Variants in SLC71A1 observed in about 807,000 individuals in gnomAD.
SLC71A1 encodes solute carrier family 71 member 1, also known as hippocampus abundant gene transcript 1.
At chr1:100,075,390 CA>C in the SLC71A1 span, among the ~76,000 whole-genome samples, 1 of 152,142 alleles carries the variant, frequency 6.6e-6, no homozygotes, top group Non-Finnish European at 1.5e-5. Context: ...TTCCTAGAGC[CA>C]TATAAAGAAT....
chr1:100,079,975 A>C, the SLC71A1 span: 8 of 152,780 alleles, frequency 5.2e-5, no homozygotes, highest in African/African-American at 1.2e-4. Flanking sequence ...GTTGAGTTCA[A>C]CACCACCCTA....
chr1:100,065,517 C>G, the SLC71A1 span, among the ~76,000 whole-genome samples: 7 of 137,312 alleles, frequency 5.1e-5, no homozygotes, highest in African/African-American at 1.9e-4. Flanking sequence ...CCACTTTTCA[C>G]TTTCACTTTC....
chr1:100,080,475 TA>T, the SLC71A1 span: 18 of 1,599,444 alleles, frequency 1.1e-5, no homozygotes, highest in Non-Finnish European at 1.5e-5. Flanking sequence ...TACTAAGTGA[TA>T]ATTTGTTTAA....
chr1:100,073,411 TTGAG>T, the SLC71A1 span, among the ~76,000 whole-genome samples: 1 of 152,206 alleles, frequency 6.6e-6, no homozygotes. Context: ...CTCCACATGG[TTGAG>T]TATGTTCTGT....
At chr1:100,043,065 T>G in the SLC71A1 span, 3 of 984,952 alleles carry the variant, frequency 3.0e-6, no homozygotes, top group Non-Finnish European at 3.6e-6. Flanking sequence ...ATGCAGTTTT[T>G]TTTTCAGATG....
At chr1:100,065,135 A>G in the SLC71A1 span, among the ~76,000 whole-genome samples, 3 of 152,090 alleles carry the variant, frequency 2.0e-5, no homozygotes, top group African/African-American at 4.8e-5. Context: ...CAGCCTCCCA[A>G]AGTGCTGGAA....
chr1:100,082,074 G>A, the SLC71A1 span: 7 of 1,613,752 alleles, frequency 4.3e-6, no homozygotes, highest in Non-Finnish European at 5.9e-6. Context: ...TTGTTGCCTT[G>A]TTTATTCCGG....
chr1:100,076,757 G>T, the SLC71A1 span, among the ~76,000 whole-genome samples: 1 of 152,170 alleles, frequency 6.6e-6, no homozygotes, highest in African/African-American at 2.4e-5. Flanking sequence ...TAATATATGG[G>T]TAATCATTGT....
chr1:100,072,592 A>AC, the SLC71A1 span, among the ~76,000 whole-genome samples: 1 of 152,102 alleles, frequency 6.6e-6, no homozygotes, highest in Admixed American at 6.5e-5. Flanking sequence ...AAAAAAAAAA[A>AC]AACTTAAAAA....
chr1:100,058,878 A>G, the SLC71A1 span: 1 of 467,372 alleles, frequency 2.1e-6, no homozygotes, highest in African/African-American at 2.0e-5. Flanking sequence ...GATGGAGTAT[A>G]TTTTGAGAGA....
the SLC71A1 span, among the ~76,000 whole-genome samples, chr1:100,067,159 C>G: frequency 6.6e-6 from 1 of 152,028 alleles, no homozygotes; most frequent in East Asian, 1.9e-4. Flanking sequence ...ATCTCTTTTA[C>G]CTATGAATTT....
chr1:100,060,019 T>C, the SLC71A1 span: 1 of 1,586,396 alleles, frequency 6.3e-7, no homozygotes, highest in South Asian at 1.2e-5. Flanking sequence ...TGTGCACATT[T>C]AGATTATAGC....
the SLC71A1 span, chr1:100,078,300 T>C: frequency 5.3e-6 from 3 of 570,498 alleles, no homozygotes; most frequent in African/African-American, 1.9e-5. Context: ...GTCAGATTGT[T>C]AAGCGACTTG....
chr1:100,078,269 G>A, the SLC71A1 span, among the ~76,000 whole-genome samples: 1 of 152,194 alleles, frequency 6.6e-6, no homozygotes, highest in African/African-American at 2.4e-5. Context: ...TGTGAATTAA[G>A]TTGCTGTCTT....
the SLC71A1 span, among the ~76,000 whole-genome samples, chr1:100,055,429 G>A: frequency 6.8e-6 from 1 of 146,942 alleles, no homozygotes; most frequent in Non-Finnish European, 1.5e-5. Context: ...ATGTTGAATT[G>A]AACTTTTTCC....
At chr1:100,068,978 G>A in the SLC71A1 span, among the ~76,000 whole-genome samples, 23 of 152,008 alleles carry the variant, frequency 1.5e-4, no homozygotes, top group African/African-American at 5.6e-4. Context: ...GCGAAACTCC[G>A]TCTCAAAATT....
At chr1:100,058,313 G>T in the SLC71A1 span, among the ~76,000 whole-genome samples, 9 of 152,320 alleles carry the variant, frequency 5.9e-5, no homozygotes, top group African/African-American at 2.2e-4. Flanking sequence ...AGCATAGTGA[G>T]TAAAAACATA....
chr1:100,058,486 G>C, the SLC71A1 span, among the ~76,000 whole-genome samples: 3 of 152,154 alleles, frequency 2.0e-5, no homozygotes, highest in Admixed American at 2.0e-4. Flanking sequence ...GTAGTGCCCT[G>C]TGACATATTA....
chr1:100,054,402 G>A, the SLC71A1 span, among the ~76,000 whole-genome samples: 1 of 151,842 alleles, frequency 6.6e-6, no homozygotes, highest in Non-Finnish European at 1.5e-5. Context: ...TAGTAGAGGC[G>A]GGGTTTTACC....
Sources: gnomAD v4.1 joint callset for allele counts (sites outside exome capture counted in the v4.1 genomes callset) on GRCh38, gnomAD v4.1.1 for gene constraint, MANE v1.5 for transcripts, NCBI Gene and HGNC (gene_info 2026-07-23, HGNC 2026-07-21) for gene names.